The following CIMIP7 variants were observed in gnomAD, a reference collection of about 807,000 sequenced individuals.
CIMIP7 encodes uncharacterized protein C3orf84.
the CIMIP7 span, among the ~76,000 whole-genome samples, chr3:49,190,307 C>T: frequency 6.6e-6 from 1 of 152,044 alleles, no homozygotes; most frequent in African/African-American, 2.4e-5. Context: ...GGAGATGGGC[C>T]AGTATAGAAG....
the CIMIP7 span, among the ~76,000 whole-genome samples, chr3:49,181,612 C>T: frequency 1.3e-5 from 2 of 152,132 alleles, no homozygotes; most frequent in Non-Finnish European, 2.9e-5. Context: ...GAGCCATGAT[C>T]GTGCCACTGC....
the CIMIP7 span, among the ~76,000 whole-genome samples, chr3:49,184,996 G>A: frequency 1.4e-4 from 22 of 151,940 alleles, no homozygotes; most frequent in African/African-American, 2.9e-4. Flanking sequence ...GGGGCCAGGC[G>A]CAGTGGCTCA....
At chr3:49,189,404 C>G in the CIMIP7 span, among the ~76,000 whole-genome samples, 1 of 152,180 alleles carries the variant, frequency 6.6e-6, no homozygotes, top group African/African-American at 2.4e-5. Context: ...AGCCACCTCG[C>G]CCAGCTGTGA....
At chr3:49,190,189 A>G in the CIMIP7 span, 1 of 1,351,030 alleles carries the variant, frequency 7.4e-7, no homozygotes, top group Non-Finnish European at 1.0e-6. Context: ...TCCACCATGG[A>G]TCCTAGACCT....
chr3:49,180,170 G>A, the CIMIP7 span, among the ~76,000 whole-genome samples: 4 of 152,178 alleles, frequency 2.6e-5, no homozygotes, highest in African/African-American at 7.2e-5. Context: ...CAGCTACTCA[G>A]GAGGCTGAAG....
the CIMIP7 span, among the ~76,000 whole-genome samples, chr3:49,186,728 C>A: frequency 6.6e-6 from 1 of 152,120 alleles, no homozygotes; most frequent in Non-Finnish European, 1.5e-5. Flanking sequence ...CCGCCCATAG[C>A]TCTTAATACA....
chr3:49,183,404 C>T, the CIMIP7 span, among the ~76,000 whole-genome samples: 7 of 152,268 alleles, frequency 4.6e-5, no homozygotes, highest in South Asian at 2.1e-4. Flanking sequence ...AACATGCAGC[C>T]GGGCGCGGTG....
At chr3:49,181,761 A>G in the CIMIP7 span, among the ~76,000 whole-genome samples, 1 of 152,250 alleles carries the variant, frequency 6.6e-6, no homozygotes, top group African/African-American at 2.4e-5. Context: ...ACATCTAACC[A>G]AAGAAGATTT....
chr3:49,183,385 TA>T, the CIMIP7 span, among the ~76,000 whole-genome samples: 2 of 152,206 alleles, frequency 1.3e-5, no homozygotes, highest in African/African-American at 2.4e-5. Flanking sequence ...CAGTTTCTTT[TA>T]AAAACTAAAC....
chr3:49,182,300 G>A, the CIMIP7 span, among the ~76,000 whole-genome samples: 1 of 152,136 alleles, frequency 6.6e-6, no homozygotes, highest in African/African-American at 2.4e-5. Flanking sequence ...AGTCTGTTTT[G>A]ACAGGGCACT....
At chr3:49,180,659 G>A in the CIMIP7 span, among the ~76,000 whole-genome samples, 9 of 152,034 alleles carry the variant, frequency 5.9e-5, no homozygotes, top group African/African-American at 1.2e-4. Flanking sequence ...GGCCAGGTGC[G>A]GTGGCTCACG....
At chr3:49,184,053 G>A in the CIMIP7 span, among the ~76,000 whole-genome samples, 1 of 152,116 alleles carries the variant, frequency 6.6e-6, no homozygotes, top group African/African-American at 2.4e-5. Flanking sequence ...GCTGGAGTGC[G>A]GTGACACAAT....
the CIMIP7 span, among the ~76,000 whole-genome samples, chr3:49,182,968 G>A: frequency 1.1e-4 from 16 of 152,244 alleles, no homozygotes; most frequent in East Asian, 3.9e-4. Context: ...CAAGTACAGC[G>A]CGCAGCCCCA....
chr3:49,188,026 G>A, the CIMIP7 span, among the ~76,000 whole-genome samples: 1 of 152,186 alleles, frequency 6.6e-6, no homozygotes, highest in Non-Finnish European at 1.5e-5. Flanking sequence ...TCTCTGGGAG[G>A]AGAGCTGCCA....
chr3:49,181,747 G>T, the CIMIP7 span, among the ~76,000 whole-genome samples: 4 of 152,224 alleles, frequency 2.6e-5, no homozygotes, highest in African/African-American at 9.6e-5. Context: ...GGACAAACAT[G>T]AAGACATCTA....
chr3:49,178,010 G>C, the CIMIP7 span: 4 of 1,610,896 alleles, frequency 2.5e-6, no homozygotes, highest in Admixed American at 6.7e-5. Flanking sequence ...AGGCGCTCCA[G>C]GTCCTTCCGC....
chr3:49,190,122 T>G, the CIMIP7 span: 7 of 1,603,562 alleles, frequency 4.4e-6, no homozygotes, highest in Non-Finnish European at 5.9e-6. Flanking sequence ...GTAGTGCCCA[T>G]AGAAGCCATT....
chr3:49,178,193 C>T, the CIMIP7 span: 4 of 787,830 alleles, frequency 5.1e-6, no homozygotes, highest in Admixed American at 2.9e-5. Context: ...TGGCCTGCCT[C>T]CCCAGTGATG....
At chr3:49,186,742 A>ACACG in the CIMIP7 span, among the ~76,000 whole-genome samples, 29 of 152,110 alleles carry the variant, frequency 1.9e-4, no homozygotes, top group East Asian at 1.2e-3. Flanking sequence ...TAATACACAC[A>ACACG]CACGCACGCA....
Sources: gnomAD v4.1 joint callset for allele counts (sites outside exome capture counted in the v4.1 genomes callset) on GRCh38, gnomAD v4.1.1 for gene constraint, MANE v1.5 for transcripts, NCBI Gene and HGNC (gene_info 2026-07-23, HGNC 2026-07-21) for gene names.